The following FUT9 variants were observed in gnomAD, a reference collection of about 807,000 sequenced individuals.
The protein encoded by FUT9 is fucosyltransferase 9.
FUT9 carries 15 observed loss-of-function variants against 29.7 expected under a neutral mutation model. That is an observed-to-expected ratio of 0.51 (90% CI 0.34 to 0.78). FUT9 has a LOEUF of 0.78. Ranked by LOEUF, FUT9 falls within the 30% of genes least tolerant of loss-of-function variation. The probability of loss-of-function intolerance (pLI) is 0.01; values close to 1 mark genes in which losing one functional copy is unlikely to be tolerated. For missense variants in FUT9, 319 were observed against 425.4 expected, an observed-to-expected ratio of 0.75 and a Z score of 2.20; for synonymous variants, 169 against 153.7, an observed-to-expected ratio of 1.10 and a Z score of -0.74.
intron 1 of FUT9, among the ~76,000 whole-genome samples, chr6:96,048,347 A>T (rs1229992714): frequency 6.6e-6 from 1 of 152,150 alleles, no homozygotes; most frequent in Non-Finnish European, 1.5e-5. Context: ...CAGAGTGGGT[A>T]AGTGGAATGA....
chr6:96,063,753 A>C (rs1770915701), intron 1 of FUT9, among the ~76,000 whole-genome samples: 1 of 152,186 alleles, frequency 6.6e-6, no homozygotes, highest in African/African-American at 2.4e-5. Context: ...GGAAGCAAAA[A>C]GTTTTATCTT....
chr6:96,038,325 A>G (rs546332653), intron 1 of FUT9, among the ~76,000 whole-genome samples: 2 of 152,242 alleles, frequency 1.3e-5, no homozygotes, highest in South Asian at 4.1e-4. Context: ...CTGAAACATG[A>G]GTAATATTAG....
chr6:96,068,687 A>G (rs7753933), intron 1 of FUT9, among the ~76,000 whole-genome samples: 84,299 of 151,814 alleles, frequency 0.56, 23,494 homozygotes, highest in South Asian at 0.64. Flanking sequence ...AGCTGTTACT[A>G]GAGAAACGAG....
intron 2 of FUT9, among the ~76,000 whole-genome samples, chr6:96,174,325 T>C (rs1364944006): frequency 6.6e-6 from 1 of 152,146 alleles, no homozygotes; most frequent in Non-Finnish European, 1.5e-5. Context: ...TGAGGATTAC[T>C]AATAACTGTT....
rs374731556 is a variant in FUT9, at chr6:96,108,591, G to A, written c.-97-5448G>A. 3.3e-5 allele frequency among the ~76,000 whole-genome samples: 5 copies of A among 152,070 alleles called. No homozygotes were observed. In the South Asian group the frequency reaches 8.3e-4, roughly 25 times the overall value. On this transcript the variant is annotated intron_variant, in intron 1 of 2. Coordinates refer to ENST00000302103, the MANE Select transcript of FUT9 (RefSeq NM_006581.4). ...CTCAGCATGACCCAGGGGTTCTCCA[G>A]CTCACCTTCACTGCCTTGTGCATGT... is the stretch of plus-strand genomic sequence containing the variant.
At chr6:96,105,936 TTAAGAACCC>T (rs1771671998) in intron 1 of FUT9, among the ~76,000 whole-genome samples, 1 of 152,196 alleles carries the variant, frequency 6.6e-6, no homozygotes, top group Non-Finnish European at 1.5e-5. Flanking sequence ...CTATTAAATT[TTAAGAACCC>T]AGTGTTAAAG....
intron 1 of FUT9, among the ~76,000 whole-genome samples, chr6:96,053,328 A>G (rs912947007): frequency 1.3e-5 from 2 of 152,200 alleles, no homozygotes; most frequent in Non-Finnish European, 2.9e-5. Context: ...CTATGACTAC[A>G]TTAAATGGAA....
In FUT9 at chr6:96,202,628, G is replaced by A. The variant is rs138890569; in HGVS notation, c.-8-520G>A. On this transcript the variant is annotated intron_variant, in intron 2 of 2. Transcript: ENST00000302103. ...GATTATACTAATGCATTTGCAAACT[G>A]TGAAGGTAAATTTATAACGAGAAAA... 1.7e-3 allele frequency among the ~76,000 whole-genome samples: 252 copies of A among 152,206 alleles called. 1 individual carries two copies. Among genetic ancestry groups the A allele is most frequent in the African/African-American group, 5.8e-3 (240 of 41,542 alleles).
intron 1 of FUT9, among the ~76,000 whole-genome samples, chr6:96,097,628 AC>A (rs1255111616): frequency 2.0e-4 from 30 of 152,258 alleles, no homozygotes; most frequent in African/African-American, 7.0e-4. Context: ...CATTACAAAA[AC>A]AAACAATAAC....
At chr6:96,100,302 G>C (rs1004067343) in intron 1 of FUT9, among the ~76,000 whole-genome samples, 2 of 150,668 alleles carry the variant, frequency 1.3e-5, no homozygotes, top group Admixed American at 1.3e-4. Flanking sequence ...TGCTGTTCTA[G>C]GCTCCAAAGT....
intron 1 of FUT9, among the ~76,000 whole-genome samples, chr6:96,066,874 G>T (rs1470979714): frequency 1.5e-5 from 2 of 129,088 alleles, no homozygotes; most frequent in Non-Finnish European, 3.4e-5. Flanking sequence ...CCTAATTCCT[G>T]GATCTTGCAC....
rs190098773 is a variant in FUT9 at position 96,169,167 on chromosome 6, A to C, written c.-8-33981A>C. Among the ~76,000 whole-genome samples, 51 of 152,360 alleles carry C rather than the reference A, an allele frequency of 3.3e-4. No individual in the cohort carries two copies. In the East Asian group the frequency reaches 8.5e-3, roughly 25 times the overall value. ...CACTACAGTGACTTACCAAGTAGTG[A>C]GTAACTAATCTGCTGATGGGCAATT... On this transcript the variant is annotated intron_variant, in intron 2 of 2. Coordinates refer to ENST00000302103, the MANE Select transcript of FUT9 (RefSeq NM_006581.4).
chr6:96,126,542 T>G (rs904031427), intron 2 of FUT9, among the ~76,000 whole-genome samples: 5 of 152,190 alleles, frequency 3.3e-5, no homozygotes, highest in African/African-American at 1.2e-4. Context: ...GAAAACTATT[T>G]ATACCATAGT....
At chr6:96,079,789 A>C (rs1771206070) in intron 1 of FUT9, among the ~76,000 whole-genome samples, 1 of 152,162 alleles carries the variant, frequency 6.6e-6, no homozygotes, top group African/African-American at 2.4e-5. Context: ...TAAGAACTCT[A>C]CTACAATGTT....
At chr6:96,172,483 T>C (rs1248233602) in intron 2 of FUT9, among the ~76,000 whole-genome samples, 1 of 152,176 alleles carries the variant, frequency 6.6e-6, no homozygotes, top group South Asian at 2.1e-4. Flanking sequence ...TTGGAAATCA[T>C]TGCTACCACA....
intron 2 of FUT9, among the ~76,000 whole-genome samples, chr6:96,168,352 G>A (rs1773051828): frequency 1.3e-5 from 2 of 152,124 alleles, no homozygotes; most frequent in African/African-American, 4.8e-5. Context: ...CAGGTACTAA[G>A]GTCTGGGACA....
At chr6:96,132,037 C>G (rs530194825) in intron 2 of FUT9, among the ~76,000 whole-genome samples, 13 of 152,154 alleles carry the variant, frequency 8.5e-5, no homozygotes, top group African/African-American at 2.4e-4. Context: ...GCAGAAGATG[C>G]AAATGGTGCC....
intron 1 of FUT9, among the ~76,000 whole-genome samples, chr6:96,042,376 C>A (rs1450368305): frequency 6.6e-6 from 1 of 152,052 alleles, no homozygotes; most frequent in African/African-American, 2.4e-5. Flanking sequence ...AGATAGTTTT[C>A]CAGTTTTTCA....
At chr6:96,182,010 G>T (rs4464804) in intron 2 of FUT9, among the ~76,000 whole-genome samples, 63,743 of 151,824 alleles carry the variant, frequency 0.42, 14,406 homozygotes, top group South Asian at 0.71. Context: ...CACACTGTTT[G>T]CCATAGTGGT....
Sources: gnomAD v4.1 joint callset for allele counts (sites outside exome capture counted in the v4.1 genomes callset) on GRCh38, gnomAD v4.1.1 for gene constraint, MANE v1.5 for transcripts, NCBI Gene and HGNC (gene_info 2026-07-23, HGNC 2026-07-21) for gene names.